The following PPP3CA variants were observed in gnomAD, a reference collection of about 807,000 sequenced individuals.
PPP3CA encodes CAM-PRP catalytic subunit.
Under a neutral mutation model 66.5 loss-of-function variants are expected in PPP3CA, and 14 were observed. The observed-to-expected ratio is 0.21, with a 90% confidence interval of 0.14 to 0.33. The LOEUF (loss-of-function observed/expected upper bound fraction) is 0.33, where lower values mean the gene tolerates loss of function less well. PPP3CA is among the 10% of genes least tolerant of loss of function. PPP3CA has a pLI of 1.00. For synonymous variants in PPP3CA, 232 were observed against 226.2 expected, an observed-to-expected ratio of 1.03 and a Z score of -0.23; for missense variants, 317 against 639.5, an observed-to-expected ratio of 0.50 and a Z score of 5.44.
intron 11 of PPP3CA, among the ~76,000 whole-genome samples, chr4:101,037,678 A>G (rs922339800): frequency 3.3e-5 from 5 of 152,076 alleles, no homozygotes; most frequent in African/African-American, 1.2e-4. Context: ...TGCAATTAAC[A>G]TGTATAGTGA....
At chr4:101,278,915 A>C (rs1231392452) in intron 1 of PPP3CA, among the ~76,000 whole-genome samples, 1 of 152,160 alleles carries the variant, frequency 6.6e-6, no homozygotes, top group Non-Finnish European at 1.5e-5. Context: ...CTTTTCATAC[A>C]CACTATATTC....
chr4:101,211,011 T>A (rs1297740728), intron 1 of PPP3CA, among the ~76,000 whole-genome samples: 1 of 152,188 alleles, frequency 6.6e-6, no homozygotes, highest in African/African-American at 2.4e-5. Flanking sequence ...TAGAACAGTA[T>A]CTGAGATGTA....
chr4:101,139,696 G>GGTTT (rs1722738675), intron 2 of PPP3CA, among the ~76,000 whole-genome samples: 1 of 98,410 alleles, frequency 1.0e-5, no homozygotes, highest in African/African-American at 4.0e-5. Context: ...TTTTTTTTGT[G>GGTTT]TTTTTTTTTT....
intron 1 of PPP3CA, among the ~76,000 whole-genome samples, chr4:101,313,181 C>T (rs1000824443): frequency 6.6e-6 from 1 of 151,820 alleles, no homozygotes; most frequent in African/African-American, 2.4e-5. Flanking sequence ...AAACTGAGTT[C>T]TTGAAGGGTC....
At chr4:101,061,251 A>G in intron 9 of PPP3CA, 90 bp from the exon 10 acceptor site, 2 of 1,095,164 alleles carry the variant, frequency 1.8e-6, no homozygotes, top group Non-Finnish European at 2.8e-6. Flanking sequence ...AAACTTAGCA[A>G]TAACATTTCT....
intron 2 of PPP3CA, 23 bp downstream of exon 2, chr4:101,195,893 C>A (rs752043278): frequency 3.4e-5 from 55 of 1,605,528 alleles, no homozygotes; most frequent in Non-Finnish European, 4.5e-5. Flanking sequence ...TACAAGTGGG[C>A]AACCTCCCTC....
chr4:101,068,278 GT>G (rs1560586074), intron 8 of PPP3CA, among the ~76,000 whole-genome samples: 1 of 152,108 alleles, frequency 6.6e-6, no homozygotes, highest in African/African-American at 2.4e-5. Context: ...GACCCAGGAT[GT>G]TTTTTCCTTC....
intron 7 of PPP3CA, 39 bp from the exon 8 acceptor site, chr4:101,080,665 G>A: frequency 8.1e-7 from 1 of 1,237,278 alleles, no homozygotes; most frequent in South Asian, 1.9e-5. Context: ...AGCTTGTATG[G>A]AAAAAAGATA....
intron 1 of PPP3CA, among the ~76,000 whole-genome samples, chr4:101,280,990 A>T (rs1468061431): frequency 6.6e-6 from 1 of 152,138 alleles, no homozygotes; most frequent in African/African-American, 2.4e-5. Context: ...CTGAGAGAGA[A>T]CAGCCTATGA....
intron 8 of PPP3CA, among the ~76,000 whole-genome samples, chr4:101,068,617 G>A (rs951404529): frequency 2.6e-5 from 4 of 152,024 alleles, no homozygotes; most frequent in African/African-American, 4.8e-5. Context: ...ATACTTTTCC[G>A]TAGTATATAT....
chr4:101,332,141 C>A (rs572962285), intron 1 of PPP3CA, among the ~76,000 whole-genome samples: 54 of 152,140 alleles, frequency 3.5e-4, no homozygotes, highest in Non-Finnish European at 5.4e-4. Flanking sequence ...ATAGGAAACA[C>A]AGGAGAACAG....
chr4:101,044,499 C>A (rs1372073198), intron 10 of PPP3CA, among the ~76,000 whole-genome samples: 1 of 152,088 alleles, frequency 6.6e-6, no homozygotes, highest in Non-Finnish European at 1.5e-5. Flanking sequence ...GTGGTGATTT[C>A]TTTCCACTTA....
intron 13 of PPP3CA, among the ~76,000 whole-genome samples, chr4:101,027,554 GCTGT>G (rs1038963894): frequency 6.6e-6 from 1 of 152,054 alleles, no homozygotes; most frequent in Non-Finnish European, 1.5e-5. Context: ...AAATAATAGA[GCTGT>G]CTAATGAGCA....
intron 2 of PPP3CA, among the ~76,000 whole-genome samples, chr4:101,168,068 G>A (rs1314161342): frequency 2.6e-5 from 4 of 152,150 alleles, no homozygotes; most frequent in Non-Finnish European, 5.9e-5. Context: ...TGGGGGCAGA[G>A]GGAAGCCAGA....
chr4:101,317,357 T>C (rs1728914970), intron 1 of PPP3CA, among the ~76,000 whole-genome samples: 1 of 152,184 alleles, frequency 6.6e-6, no homozygotes, highest in African/African-American at 2.4e-5. Context: ...TCTATTCATA[T>C]AATCAAGACA....
chr4:101,241,691 T>C (rs1267087020), intron 1 of PPP3CA, among the ~76,000 whole-genome samples: 5 of 152,144 alleles, frequency 3.3e-5, no homozygotes, highest in African/African-American at 1.2e-4. Context: ...ATTTCACCTG[T>C]AAATCTTTAT....
chr4:101,157,885 A>AG lies in PPP3CA; in HGVS notation c.259+38030_259+38031insC, dbSNP rs1263041435. On this transcript the variant is annotated intron_variant, in intron 2 of 13. Transcript: ENST00000394854. Reference sequence around the variant, plus strand: ...AGGAGGCAAAAAAAAAAAAAAAAAAAAAAACCTCTCAGTCTTCATGACCAG... The same window carrying AG: ...AGGAGGCAAAAAAAAAAAAAAAAAAAGAAAACCTCTCAGTCTTCATGACCAG... 2.2e-4 allele frequency among the ~76,000 whole-genome samples: 34 copies of AG among 151,528 alleles called. 1 individual carries two copies. Among genetic ancestry groups the AG allele is most frequent in the Admixed American group, 6.6e-5 (1 of 15,236 alleles).
At chr4:101,202,638 C>T (rs775601480) in intron 1 of PPP3CA, among the ~76,000 whole-genome samples, 11 of 151,180 alleles carry the variant, frequency 7.3e-5, no homozygotes, top group South Asian at 2.1e-4. Flanking sequence ...TCATCACTTG[C>T]GTGTTTGAAA....
At chr4:101,300,934 A>AT (rs1411156015) in intron 1 of PPP3CA, among the ~76,000 whole-genome samples, 1 of 152,210 alleles carries the variant, frequency 6.6e-6, no homozygotes, top group African/African-American at 2.4e-5. Flanking sequence ...ATGTATAAAT[A>AT]TTCTGGTAGA....
Sources: gnomAD v4.1 joint callset for allele counts (sites outside exome capture counted in the v4.1 genomes callset) on GRCh38, gnomAD v4.1.1 for gene constraint, MANE v1.5 for transcripts, NCBI Gene and HGNC (gene_info 2026-07-23, HGNC 2026-07-21) for gene names.